The following MACF1 variants were observed in gnomAD, a reference collection of about 807,000 sequenced individuals.
The protein encoded by MACF1 is microtubule actin crosslinking factor 1, also known as microtubule-actin cross-linking factor 1.
MACF1 carries 193 observed loss-of-function variants against 854.8 expected under a neutral mutation model. That is an observed-to-expected ratio of 0.23 (90% CI 0.20 to 0.25). The LOEUF (loss-of-function observed/expected upper bound fraction) is 0.25, where lower values mean the gene tolerates loss of function less well. MACF1 is among the 10% of genes least tolerant of loss of function. The pLI, the probability that MACF1 is intolerant of heterozygous loss-of-function variation, is 1.00. For missense variants in MACF1, 7,722 were observed against 8,929.1 expected (o/e 0.86, Z 5.45); for synonymous variants, 3,185 against 3,226.7 (o/e 0.99, Z 0.44).
intron 36 of MACF1, 108 bp from the exon 37 acceptor site, chr1:39,331,095 T>C: frequency 2.8e-6 from 4 of 1,413,476 alleles, no homozygotes; most frequent in Non-Finnish European, 3.7e-6. Context: ...CTGTATACTA[T>C]AGTTCTTTGA....
intron 70 of MACF1, among the ~76,000 whole-genome samples, chr1:39,436,274 G>A (rs1369180321): frequency 1.3e-5 from 2 of 152,124 alleles, no homozygotes; most frequent in African/African-American, 4.8e-5. Context: ...TACTCTTAGT[G>A]GTACTGTTGT....
rs1250818186 is a variant in MACF1 at position 39,448,726 on chromosome 1, G to A, written c.20221G>A (p.Asp6741Asn). ...TGACAATTTCCTAGGAGAAGTCAGAGACAAATGGGATACTGTTTGTGGCAA... is the reference window on the plus strand; with the variant it reads ...TGACAATTTCCTAGGAGAAGTCAGAAACAAATGGGATACTGTTTGTGGCAA... ...KLDNFLGEVR[D>N]KWDTVCGKSV... The change falls in exon 84 of 101, where the codon GAC becomes AAC. Residue 6741 changes from aspartate (D) to asparagine (N), a missense_variant. Transcript: ENST00000564288. The A allele has an allele frequency of 6.2e-7, 1 of 1,613,214 alleles. No homozygotes were observed. Among genetic ancestry groups the A allele is most frequent in the Non-Finnish European group, 8.5e-7 (1 of 1,179,588 alleles).
chr1:39,311,064 G>A, intron 26 of MACF1, 64 bp downstream of exon 26: 1 of 1,541,376 alleles, frequency 6.5e-7, no homozygotes, highest in South Asian at 1.2e-5. Flanking sequence ...TCATTGGATG[G>A]CAAGAGTATG....
rs934398859 is a variant in MACF1, at chr1:39,300,808, G to A, written c.2634+446G>A. ...GCCTGTAATCCCAGCACTTTAGGAGGCTGAGGCACATGGATCACTTGAGCT... is the reference window on the plus strand; with the variant it reads ...GCCTGTAATCCCAGCACTTTAGGAGACTGAGGCACATGGATCACTTGAGCT... On this transcript the variant is annotated intron_variant, in intron 22 of 100. Coordinates refer to ENST00000564288, the MANE Select transcript of MACF1 (RefSeq NM_001394062.1). Among the ~76,000 whole-genome samples, 3 of 152,190 alleles carry A rather than the reference G, an allele frequency of 2.0e-5. No homozygotes were observed. The East Asian group carries it at 5.8e-4, about 29-fold the overall frequency.
At chr1:39,294,115 C>G (rs1002834106) in intron 18 of MACF1, among the ~76,000 whole-genome samples, 1 of 152,160 alleles carries the variant, frequency 6.6e-6, no homozygotes, top group Non-Finnish European at 1.5e-5. Context: ...AGCATTTAGT[C>G]TAGTATTGTT....
At chr1:39,202,564 G>A (rs536933412), upstream of MACF1, among the ~76,000 whole-genome samples, 1 of 151,826 alleles carries the variant, frequency 6.6e-6, no homozygotes, top group East Asian at 2.0e-4. Flanking sequence ...GAAGCCGGGA[G>A]GCACAGGTTG....
At position 39,458,388 on chromosome 1, in the gene MACF1, A is replaced by C; in HGVS notation, c.21094A>C (p.Thr7032Pro). 1 of 1,613,664 alleles carries C rather than the reference A, an allele frequency of 6.2e-7. No individual in the cohort carries two copies. Among genetic ancestry groups the C allele is most frequent in the Non-Finnish European group, 8.5e-7 (1 of 1,179,850 alleles). The change falls in exon 90 of 101, where the codon ACT (threonine) becomes CCT (proline). Residue 7032 changes from threonine (T) to proline (P), a missense_variant. Transcript: ENST00000564288. ...AEHQTFMEEM[T>P]RKQPDVDRVT... The stretch of plus-strand genomic sequence containing the variant: ...TTAACAGACATTTATGGAGGAGATG[A>C]CTCGCAAACAGCCTGACGTGGACCG...
chr1:39,268,630 G>A (rs1010178965), intron 6 of MACF1: 26 of 1,208,678 alleles, frequency 2.2e-5, no homozygotes, highest in Non-Finnish European at 2.0e-5. Context: ...TGAGGCCAAG[G>A]TTGGGATTTC....
intron 41 of MACF1, 55 bp downstream of exon 41, chr1:39,347,265 T>C: frequency 1.5e-6 from 2 of 1,344,512 alleles, no homozygotes; most frequent in Non-Finnish European, 2.1e-6. Flanking sequence ...TCCTCTGTCA[T>C]TGGGTTTTCT....
intron 2 of MACF1, among the ~76,000 whole-genome samples, chr1:39,172,333 A>G (rs1296643503): frequency 6.6e-6 from 1 of 152,168 alleles, no homozygotes; most frequent in Non-Finnish European, 1.5e-5. Context: ...TGAAGATGAA[A>G]TGTTTTATTC....
chr1:39,165,624 TGTC>T (rs1262399675), intron 2 of MACF1, among the ~76,000 whole-genome samples: 1 of 152,226 alleles, frequency 6.6e-6, no homozygotes, highest in Admixed American at 6.5e-5. Flanking sequence ...TTTGTTTTCT[TGTC>T]ATGTAGGCAT....
rs201043233 is a variant in MACF1, at chr1:39,458,484, G to A, written c.21190G>A (p.Gly7064Arg). 285 of 1,613,116 alleles carry A rather than the reference G, an allele frequency of 1.8e-4. No individual in the cohort carries two copies. The highest frequency in any genetic ancestry group is 6.3e-4 in the Admixed American group (38 of 59,892). ...GCCTTTCATAGAGAAATCCCGCAGCGGAGGCAGTATGTTTCCAGCCCCCTG... is the reference window on the plus strand; with the variant it reads ...GCCTTTCATAGAGAAATCCCGCAGCAGAGGCAGTATGTTTCCAGCCCCCTG... ...HAPFIEKSRS[G>R]GRKSLSQPTP... Residue 7064 changes from glycine to arginine, a missense_variant, in exon 90 of 101, where the codon GGA (glycine) becomes AGA (arginine). By Grantham distance (125) the Gly-to-Arg change is moderately radical. Transcript: ENST00000564288.
intron 23 of MACF1, 135 bp downstream of exon 23, chr1:39,303,213 A>T: frequency 1.0e-6 from 1 of 977,816 alleles, no homozygotes; most frequent in East Asian, 2.7e-5. Context: ...TTCTCATTGG[A>T]GATATCAAGT....
chr1:39,249,373 A>C (rs374788579), intron 2 of MACF1, among the ~76,000 whole-genome samples: 27 of 152,306 alleles, frequency 1.8e-4, no homozygotes, highest in South Asian at 1.5e-3. Flanking sequence ...AGAAATAATA[A>C]TACTACTTAC....
At chr1:39,450,804 G>T (rs577238548) in intron 84 of MACF1, among the ~76,000 whole-genome samples, 2 of 151,810 alleles carry the variant, frequency 1.3e-5, no homozygotes, top group East Asian at 1.9e-4. Context: ...GTAGAGACAG[G>T]GTTTCACCGT....
chr1:39,222,410 C>A (rs1444921307), intron 1 of MACF1, among the ~76,000 whole-genome samples: 3 of 152,222 alleles, frequency 2.0e-5, no homozygotes, highest in Non-Finnish European at 4.4e-5. Flanking sequence ...TAGGCATGAG[C>A]CACCATGCCC....
intron 77 of MACF1, 22 bp downstream of exon 77, chr1:39,442,589 T>C (rs1349976200): frequency 6.2e-7 from 1 of 1,613,738 alleles, no homozygotes; most frequent in Non-Finnish European, 8.5e-7. Context: ...CATTTTTTCA[T>C]CTCTAACCCT....
In MACF1 at chr1:39,439,175, G is replaced by A. The variant is rs184289398; in HGVS notation, c.18221-99G>A. 1.5e-4 allele frequency: 87 copies of A among 575,842 alleles called. No individual in the cohort carries two copies. In the East Asian group the frequency reaches 2.3e-3, roughly 15 times the overall value. 35.7% of individuals were successfully genotyped at this position (575,842 alleles called of 1,614,324 possible). On this transcript the variant is annotated intron_variant, in intron 71 of 100. Coordinates refer to ENST00000564288, the MANE Select transcript of MACF1 (RefSeq NM_001394062.1). ...ATGCTTAGCATTTTTTTAAAAAATAGTTTCATTGAAAAGGTCAGAGTTACA... is the reference window on the plus strand; with the variant it reads ...ATGCTTAGCATTTTTTTAAAAAATAATTTCATTGAAAAGGTCAGAGTTACA...
At chr1:39,441,608 A>G (rs1200346963) in intron 74 of MACF1, among the ~76,000 whole-genome samples, 1 of 152,228 alleles carries the variant, frequency 6.6e-6, no homozygotes, top group Non-Finnish European at 1.5e-5. Flanking sequence ...ATTGCTTGCC[A>G]GAGGTTCCAA....
Sources: gnomAD v4.1 joint callset for allele counts (sites outside exome capture counted in the v4.1 genomes callset) on GRCh38, gnomAD v4.1.1 for gene constraint, MANE v1.5 for transcripts, NCBI Gene and HGNC (gene_info 2026-07-23, HGNC 2026-07-21) for gene names.